TNNI3K: variants seen among roughly 807,000 people sequenced by gnomAD.
The protein encoded by TNNI3K is serine/threonine-protein kinase TNNI3K.
TNNI3K carries 140 observed loss-of-function variants against 114.5 expected under a neutral mutation model. The observed-to-expected ratio is 1.22, with a 90% CI of 1.07 to 1.41. TNNI3K has a LOEUF of 1.41. Among genes scored for constraint, TNNI3K ranks in the 40% most tolerant of loss-of-function variants. TNNI3K has a pLI of 0.00. For synonymous variants in TNNI3K, 347 were observed against 347.5 expected (o/e 1.00, Z 0.02); for missense variants, 1,125 against 1,007.6 (o/e 1.12, Z -1.58).
intron 21 of TNNI3K, among the ~76,000 whole-genome samples, chr1:74,483,998 T>G (rs1340548769): frequency 1.3e-5 from 2 of 152,172 alleles, no homozygotes; most frequent in Non-Finnish European, 2.9e-5. Flanking sequence ...AAAATATTTC[T>G]TTTTATTTTT....
At chr1:74,256,712 T>C (rs1464962684) in intron 4 of TNNI3K, among the ~76,000 whole-genome samples, 2 of 152,140 alleles carry the variant, frequency 1.3e-5, no homozygotes, top group African/African-American at 4.8e-5. Flanking sequence ...TCTACTTCAC[T>C]TAAAATATAA....
intron 5 of TNNI3K, among the ~76,000 whole-genome samples, chr1:74,275,242 C>G (rs565103175): frequency 3.3e-5 from 5 of 152,090 alleles, no homozygotes; most frequent in African/African-American, 1.2e-4. Flanking sequence ...AGAAGGCTCA[C>G]AGTCATGGCA....
chr1:74,530,998 C>A (rs1269661615), intron 23 of TNNI3K, among the ~76,000 whole-genome samples: 1 of 152,166 alleles, frequency 6.6e-6, no homozygotes, highest in Non-Finnish European at 1.5e-5. Context: ...ATTCATAATT[C>A]TTTGCCTAAT....
chr1:74,370,440 A>G (rs760321597), intron 17 of TNNI3K, 48 bp downstream of exon 17: 9 of 1,508,310 alleles, frequency 6.0e-6, no homozygotes, highest in Non-Finnish European at 8.2e-6. Flanking sequence ...ACTAACTGGG[A>G]GTTTAAGACA....
chr1:74,284,526 AC>A (rs1314054961), intron 5 of TNNI3K, among the ~76,000 whole-genome samples: 1 of 152,182 alleles, frequency 6.6e-6, no homozygotes, highest in African/African-American at 2.4e-5. Context: ...AATCTAAAAA[AC>A]CTGCAATTAC....
chr1:74,318,307 G>A (rs904919395), intron 5 of TNNI3K, among the ~76,000 whole-genome samples: 5 of 152,250 alleles, frequency 3.3e-5, no homozygotes, highest in African/African-American at 7.2e-5. Flanking sequence ...TTGTGGTATT[G>A]AGAGATTCTG....
chr1:74,356,199 G>A (rs1661646380), intron 11 of TNNI3K, among the ~76,000 whole-genome samples: 1 of 152,152 alleles, frequency 6.6e-6, no homozygotes, highest in African/African-American at 2.4e-5. Flanking sequence ...GTTGCAGGCA[G>A]TTGTAGATTG....
intron 20 of TNNI3K, among the ~76,000 whole-genome samples, chr1:74,450,453 G>T (rs1031684487): frequency 6.6e-6 from 1 of 151,872 alleles, no homozygotes; most frequent in Non-Finnish European, 1.5e-5. Flanking sequence ...AGAAGCTATC[G>T]TCAGAGTGAG....
intron 5 of TNNI3K, among the ~76,000 whole-genome samples, chr1:74,305,562 G>T (rs1355553642): frequency 6.6e-6 from 1 of 152,112 alleles, no homozygotes; most frequent in Non-Finnish European, 1.5e-5. Context: ...AAGTGGAAGG[G>T]GCACATGACT....
chr1:74,321,254 G>A (rs957079782), intron 5 of TNNI3K, among the ~76,000 whole-genome samples: 35 of 152,140 alleles, frequency 2.3e-4, no homozygotes, highest in African/African-American at 7.2e-4. Flanking sequence ...CAAGATGATG[G>A]TTAACTGAAC....
At chr1:74,416,959 T>A (rs1267690921) in intron 17 of TNNI3K, among the ~76,000 whole-genome samples, 1 of 152,070 alleles carries the variant, frequency 6.6e-6, no homozygotes, top group Non-Finnish European at 1.5e-5. Context: ...GACTAGGGTG[T>A]CTCCAGCTTT....
chr1:74,399,751 TG>T (rs1664269492), intron 17 of TNNI3K, among the ~76,000 whole-genome samples: 1 of 152,276 alleles, frequency 6.6e-6, no homozygotes, highest in Admixed American at 6.5e-5. Context: ...GGGGTGGATG[TG>T]GTTAGGATTA....
At chr1:74,443,996 G>C (rs1666510090) in intron 20 of TNNI3K, among the ~76,000 whole-genome samples, 1 of 152,138 alleles carries the variant, frequency 6.6e-6, no homozygotes, top group African/African-American at 2.4e-5. Context: ...ACTAGGTATT[G>C]ATGGAACATA....
chr1:74,480,156 C>G (rs750271140), intron 21 of TNNI3K: 17 of 714,264 alleles, frequency 2.4e-5, no homozygotes, highest in Non-Finnish European at 4.4e-5. Flanking sequence ...GGCATACCTG[C>G]GAAGCCAAGG....
intron 23 of TNNI3K, among the ~76,000 whole-genome samples, chr1:74,534,846 T>C (rs1646640509): frequency 6.6e-6 from 1 of 152,154 alleles, no homozygotes; most frequent in Non-Finnish European, 1.5e-5. Flanking sequence ...TCTCTACAGT[T>C]TCCTCTGCTT....
At chr1:74,437,098 A>G (rs1370419589) in intron 19 of TNNI3K, among the ~76,000 whole-genome samples, 3 of 152,012 alleles carry the variant, frequency 2.0e-5, no homozygotes, top group Non-Finnish European at 1.5e-5. Context: ...TTTCTGGACT[A>G]CTTGTGATAA....
chr1:74,257,870 T>C (rs556729609), intron 4 of TNNI3K, among the ~76,000 whole-genome samples: 1 of 151,928 alleles, frequency 6.6e-6, no homozygotes, highest in Non-Finnish European at 1.5e-5. Context: ...GGTTTCACCA[T>C]GTTAGCCAGG....
At chr1:74,533,986 T>A (rs1360696030) in intron 23 of TNNI3K, among the ~76,000 whole-genome samples, 1 of 152,196 alleles carries the variant, frequency 6.6e-6, no homozygotes, top group East Asian at 1.9e-4. Flanking sequence ...TTTCTGCAAG[T>A]CATTCGAACT....
chr1:74,295,118 T>A (rs1657901740), intron 5 of TNNI3K, among the ~76,000 whole-genome samples: 2 of 152,082 alleles, frequency 1.3e-5, no homozygotes, highest in South Asian at 4.1e-4. Context: ...TTATTATTTG[T>A]CTCATGGGTC....
Sources: allele counts gnomAD v4.1 joint callset (sites outside exome capture counted in the v4.1 genomes callset), GRCh38; gene constraint gnomAD v4.1.1; transcripts MANE v1.5; gene names NCBI Gene and HGNC (gene_info 2026-07-23, HGNC 2026-07-21).